Variants in MSRB3 observed in about 807,000 individuals in gnomAD.
The protein encoded by MSRB3 is methionine sulfoxide reductase B3, also known as methionine-R-sulfoxide reductase B3.
A neutral mutation model predicts 21.0 loss-of-function variants in MSRB3; 13 were observed. That is an observed-to-expected ratio of 0.62 (90% CI 0.40 to 0.98). The LOEUF (loss-of-function observed/expected upper bound fraction) is 0.98, where lower values mean the gene tolerates loss of function less well. Among genes scored for constraint, MSRB3 ranks in the 50% least tolerant of loss-of-function variants. MSRB3 has a pLI of 0.00. For synonymous variants in MSRB3, 87 were observed against 88.6 expected, an observed-to-expected ratio of 0.98 and a Z score of 0.10; for missense variants, 199 against 230.3, an observed-to-expected ratio of 0.86 and a Z score of 0.88.
intron 4 of MSRB3, among the ~76,000 whole-genome samples, chr12:65,350,847 C>T (rs1198332789): frequency 4.8e-5 from 7 of 145,506 alleles, no homozygotes; most frequent in Admixed American, 4.8e-4. Context: ...ACTTAGACTC[C>T]CACACATTAA....
chr12:65,369,103 G>GAA, intron 5 of MSRB3, 77 bp downstream of exon 5: 1 of 1,101,926 alleles, frequency 9.1e-7, no homozygotes, highest in Middle Eastern at 2.1e-4. Context: ...ATCAGATCAA[G>GAA]AACCATTTTG....
rs151042325 is a variant in MSRB3 at position 65,294,691 on chromosome 12, A to G, written c.-51-13838A>G. ...CTTTATATGAGACATTATTTTTAAT[A>G]GGCACATTTAAGTCATTTATATTTT... On this transcript the variant is annotated intron_variant, in intron 1 of 6. Transcript: ENST00000308259. Among the ~76,000 whole-genome samples, 1,209 of 152,324 alleles carry G rather than the reference A, an allele frequency of 7.9e-3. 17 individuals carry two copies. The highest frequency in any genetic ancestry group is 0.027 in the African/African-American group (1,116 of 41,568).
At chr12:65,320,287 T>C (rs535697980) in intron 2 of MSRB3, among the ~76,000 whole-genome samples, 1 of 152,322 alleles carries the variant, frequency 6.6e-6, no homozygotes, top group African/African-American at 2.4e-5. Flanking sequence ...CTCATAGATT[T>C]GTTTTTGTGT....
chr12:65,360,163 T>C (rs1209523871), intron 4 of MSRB3, among the ~76,000 whole-genome samples: 1 of 152,162 alleles, frequency 6.6e-6, no homozygotes, highest in Non-Finnish European at 1.5e-5. Flanking sequence ...TTTAACTTGA[T>C]TAACTCTTTA....
intron 4 of MSRB3, among the ~76,000 whole-genome samples, chr12:65,345,910 AATC>A (rs1348807519): frequency 1.3e-5 from 2 of 152,090 alleles, no homozygotes; most frequent in Non-Finnish European, 2.9e-5. Flanking sequence ...AAGGACGTGA[AATC>A]ATCATTTTTT....
chr12:65,419,395 T>C, intron 5 of MSRB3: 1 of 750,328 alleles, frequency 1.3e-6, no homozygotes, highest in East Asian at 2.5e-5. Flanking sequence ...TAAGAGCAGC[T>C]CCTCCTTGAG....
chr12:65,357,940 T>C (rs907387770), intron 4 of MSRB3, among the ~76,000 whole-genome samples: 8 of 151,946 alleles, frequency 5.3e-5, no homozygotes, highest in East Asian at 3.9e-4. Context: ...CATACTTTTT[T>C]CCCCTCCTTT....
chr12:65,371,621 C>G (rs1039083403), intron 5 of MSRB3, among the ~76,000 whole-genome samples: 11 of 151,068 alleles, frequency 7.3e-5, no homozygotes, highest in African/African-American at 2.7e-4. Flanking sequence ...ACACCCCCAC[C>G]ACACACACAC....
intron 5 of MSRB3, among the ~76,000 whole-genome samples, chr12:65,421,945 A>G (rs569127027): frequency 6.6e-6 from 1 of 152,328 alleles, no homozygotes; most frequent in South Asian, 2.1e-4. Flanking sequence ...CAAGCTGGAT[A>G]AAGAAACAAG....
chr12:65,349,198 G>A (rs983802765), intron 4 of MSRB3, among the ~76,000 whole-genome samples: 3 of 152,112 alleles, frequency 2.0e-5, no homozygotes, highest in Non-Finnish European at 4.4e-5. Flanking sequence ...TGAGAATGAT[G>A]ATTTCCAGTT....
rs1877356627 is a variant in MSRB3 at position 65,355,950 on chromosome 12, T to C, written c.264-13048T>C. On this transcript the variant is annotated intron_variant, in intron 4 of 6. Transcript: ENST00000308259. ...TATGGATACTTTAAGCAAGACCTCT[T>C]CCTTCAAATAGAGTGCTTTGCACAT... Among the ~76,000 whole-genome samples, 3 of 151,976 alleles carry C rather than the reference T, an allele frequency of 2.0e-5. No homozygotes were observed. The South Asian group carries it at 6.2e-4, about 31-fold the overall frequency.
intron 4 of MSRB3, among the ~76,000 whole-genome samples, chr12:65,363,981 CACAA>C (rs765348123): frequency 3.3e-5 from 5 of 152,148 alleles, no homozygotes; most frequent in African/African-American, 9.6e-5. Flanking sequence ...CTTAAAAACA[CACAA>C]ACAAACAAAC....
intron 5 of MSRB3, among the ~76,000 whole-genome samples, chr12:65,398,043 A>G (rs1257195385): frequency 3.3e-5 from 5 of 152,178 alleles, no homozygotes; most frequent in Admixed American, 3.3e-4. Flanking sequence ...AGTCTTTGCT[A>G]TTGTGAACAG....
intron 4 of MSRB3, among the ~76,000 whole-genome samples, chr12:65,353,950 G>C (rs1403308753): frequency 6.6e-6 from 1 of 151,874 alleles, no homozygotes; most frequent in East Asian, 1.9e-4. Flanking sequence ...GCATTTGCTT[G>C]TCTGTAAAGG....
chr12:65,328,851 T>C (rs1875226912), intron 4 of MSRB3, among the ~76,000 whole-genome samples: 1 of 152,242 alleles, frequency 6.6e-6, no homozygotes, highest in Admixed American at 6.5e-5. Context: ...TCAGTAACCA[T>C]GGTGCTTAGC....
chr12:65,402,024 C>CT (rs1880154748), intron 5 of MSRB3, among the ~76,000 whole-genome samples: 1 of 152,140 alleles, frequency 6.6e-6, no homozygotes, highest in African/African-American at 2.4e-5. Flanking sequence ...CCTGACCTTT[C>CT]TCTCTGGCTG....
chr12:65,298,242 G>A (rs916693491), intron 1 of MSRB3, among the ~76,000 whole-genome samples: 1 of 152,152 alleles, frequency 6.6e-6, no homozygotes, highest in African/African-American at 2.4e-5. Context: ...GAGCTCAAGC[G>A]ATCCTCCTGC....
At chr12:65,406,754 C>G (rs1880434946) in intron 5 of MSRB3, among the ~76,000 whole-genome samples, 1 of 152,176 alleles carries the variant, frequency 6.6e-6, no homozygotes, top group Admixed American at 6.5e-5. Context: ...GAAACTTTAT[C>G]TCCAATGCCA....
At chr12:65,426,350 C>T (rs1365014689) in intron 5 of MSRB3, among the ~76,000 whole-genome samples, 1 of 152,018 alleles carries the variant, frequency 6.6e-6, no homozygotes, top group African/African-American at 2.4e-5. Context: ...TCCCGTCCTC[C>T]CCCTGCACTT....
Sources: gnomAD v4.1 joint callset for allele counts (sites outside exome capture counted in the v4.1 genomes callset) on GRCh38, gnomAD v4.1.1 for gene constraint, MANE v1.5 for transcripts, NCBI Gene and HGNC (gene_info 2026-07-23, HGNC 2026-07-21) for gene names.